The following THSD4 variants were observed in gnomAD, a reference collection of about 807,000 sequenced individuals.
THSD4 encodes the protein thrombospondin type-1 domain-containing protein 4.
Under a neutral mutation model 119.0 loss-of-function variants are expected in THSD4, and 69 were observed. The observed-to-expected ratio is 0.58, with a 90% CI of 0.48 to 0.71. The LOEUF (loss-of-function observed/expected upper bound fraction) is 0.71, where lower values mean the gene tolerates loss of function less well. Among genes scored for constraint, THSD4 ranks in the 30% least tolerant of loss-of-function variants. THSD4 has a pLI of 0.00. For synonymous variants in THSD4, 524 were observed against 540.4 expected (o/e 0.97, Z 0.42); for missense variants, 1,393 against 1,391.1 (o/e 1.00, Z -0.02).
intron 7 of THSD4, among the ~76,000 whole-genome samples, chr15:71,585,255 CT>C (rs2140857990): frequency 6.6e-6 from 1 of 152,254 alleles, no homozygotes; most frequent in Non-Finnish European, 1.5e-5. Flanking sequence ...TTTGGTATTT[CT>C]TGTAAGGAAG....
chr15:71,601,497 C>A (rs559714070), intron 7 of THSD4, among the ~76,000 whole-genome samples: 1 of 152,294 alleles, frequency 6.6e-6, no homozygotes, highest in East Asian at 1.9e-4. Flanking sequence ...ATGGGCCTGC[C>A]AAGACTCTGC....
chr15:71,464,393 A>G (rs2047470638), intron 7 of THSD4, among the ~76,000 whole-genome samples: 1 of 152,064 alleles, frequency 6.6e-6, no homozygotes. Flanking sequence ...TAATTTAGAG[A>G]AGGTATACTC....
intron 6 of THSD4, among the ~76,000 whole-genome samples, chr15:71,372,350 G>T (rs2046064961): frequency 6.6e-6 from 1 of 152,146 alleles, no homozygotes; most frequent in Non-Finnish European, 1.5e-5. Flanking sequence ...AGGGGGAGAG[G>T]CACTCTGATT....
chr15:71,606,630 T>C (rs1221438640), intron 7 of THSD4, among the ~76,000 whole-genome samples: 1 of 152,116 alleles, frequency 6.6e-6, no homozygotes, highest in Non-Finnish European at 1.5e-5. Flanking sequence ...AACCTCCACC[T>C]CCCGGGTTCA....
At chr15:71,345,201 G>A (rs1035062212) in intron 6 of THSD4, among the ~76,000 whole-genome samples, 3 of 130,894 alleles carry the variant, frequency 2.3e-5, no homozygotes, top group African/African-American at 8.5e-5. Flanking sequence ...GTGGCGGGGG[G>A]TTGGGGGGGT....
chr15:71,513,109 T>G (rs1404310337), intron 7 of THSD4, among the ~76,000 whole-genome samples: 1 of 118,084 alleles, frequency 8.5e-6, no homozygotes, highest in African/African-American at 2.5e-5. Flanking sequence ...CAGAGGAATC[T>G]CATGGGAGAC....
chr15:71,386,655 A>C (rs892072296), intron 6 of THSD4, among the ~76,000 whole-genome samples: 5 of 152,240 alleles, frequency 3.3e-5, no homozygotes, highest in African/African-American at 1.2e-4. Context: ...CACGTGAAAG[A>C]GAAGTTTGAC....
intron 15 of THSD4, among the ~76,000 whole-genome samples, chr15:71,760,078 A>G (rs535578065): frequency 1.3e-5 from 2 of 152,336 alleles, no homozygotes; most frequent in African/African-American, 4.8e-5. Flanking sequence ...GAATATAAAA[A>G]TAAATGTTCC....
rs2048983102 is a variant in THSD4 at position 71,554,285 on chromosome 15, A to AC, written c.1153-106245_1153-106244insC. ...TTTTTTTTGTATTTTTTTAGTAGAG[A>AC]TGGGTTTCACCGTGTTAACCAGGAT... On this transcript the variant is annotated intron_variant, in intron 7 of 17. Coordinates refer to ENST00000261862, the MANE Select transcript of THSD4 (RefSeq NM_024817.3). 4.7e-5 allele frequency among the ~76,000 whole-genome samples: 7 copies of AC among 147,790 alleles called. No individual in the cohort carries two copies. The South Asian group carries it at 1.1e-3, about 22-fold the overall frequency.
At chr15:71,195,754 A>G (rs571288671) in intron 3 of THSD4, among the ~76,000 whole-genome samples, 27 of 152,226 alleles carry the variant, frequency 1.8e-4, no homozygotes, top group African/African-American at 6.5e-4. Context: ...GGTTGGGGGA[A>G]AGACTGGTGG....
chr15:71,326,673 CAAAAAAAAAAAAAA>C (rs375081607), intron 6 of THSD4, among the ~76,000 whole-genome samples: 602 of 12,940 alleles, frequency 0.047, 41 homozygotes, highest in Middle Eastern at 0.29. Flanking sequence ...GATTCCATCT[CAAAAAAAAAAAAAA>C]AAAAAAAAAA....
chr15:71,248,308 T>C (rs936163050), intron 5 of THSD4, among the ~76,000 whole-genome samples: 1 of 152,146 alleles, frequency 6.6e-6, no homozygotes, highest in Non-Finnish European at 1.5e-5. Flanking sequence ...CAAAAAATCC[T>C]TTCTGCCTTT....
chr15:71,757,136 C>T (rs2053553127), intron 14 of THSD4, among the ~76,000 whole-genome samples: 2 of 152,162 alleles, frequency 1.3e-5, no homozygotes, highest in South Asian at 4.2e-4. Flanking sequence ...ATGAGCATGC[C>T]AAAGGTAGGA....
chr15:71,656,103 G>C (rs1473816083), intron 7 of THSD4, among the ~76,000 whole-genome samples: 3 of 152,170 alleles, frequency 2.0e-5, no homozygotes, highest in African/African-American at 7.2e-5. Context: ...TTTTGGAGGA[G>C]ACTATCGGCT....
chr15:71,513,273 A>G (rs1318011048), intron 7 of THSD4, among the ~76,000 whole-genome samples: 1 of 152,216 alleles, frequency 6.6e-6, no homozygotes, highest in Admixed American at 6.5e-5. Context: ...ACTTCCATCA[A>G]GCAAAGCAGT....
chr15:71,431,412 C>T (rs1428471302), intron 7 of THSD4, among the ~76,000 whole-genome samples: 3 of 152,076 alleles, frequency 2.0e-5, no homozygotes, highest in African/African-American at 7.2e-5. Context: ...CATGAACCTT[C>T]TTGAAGACAG....
At chr15:71,249,125 AC>A (rs1186385408) in intron 5 of THSD4, among the ~76,000 whole-genome samples, 15 of 151,954 alleles carry the variant, frequency 9.9e-5, no homozygotes, top group Non-Finnish European at 1.3e-4. Flanking sequence ...ACACACACAC[AC>A]GTATGTATAT....
At chr15:71,725,648 G>A (rs1364608087) in intron 8 of THSD4, among the ~76,000 whole-genome samples, 1 of 152,142 alleles carries the variant, frequency 6.6e-6, no homozygotes, top group African/African-American at 2.4e-5. Flanking sequence ...TCTGAAAAGA[G>A]GAGGCCTGGG....
chr15:71,717,479 C>A (rs1252468080), intron 8 of THSD4, among the ~76,000 whole-genome samples: 2 of 151,638 alleles, frequency 1.3e-5, no homozygotes, highest in Non-Finnish European at 2.9e-5. Flanking sequence ...AAAAATAAGA[C>A]AAGACAGGTG....
Sources: allele counts gnomAD v4.1 joint callset (sites outside exome capture counted in the v4.1 genomes callset), GRCh38; gene constraint gnomAD v4.1.1; transcripts MANE v1.5; gene names NCBI Gene and HGNC (gene_info 2026-07-23, HGNC 2026-07-21).